The following TMPRSS11E variants were observed in gnomAD, a reference collection of about 807,000 sequenced individuals.
TMPRSS11E encodes the protein transmembrane serine protease 11E.
A neutral mutation model predicts 48.1 loss-of-function variants in TMPRSS11E; 38 were observed. The observed-to-expected ratio is 0.79, with a 90% CI of 0.61 to 1.04. TMPRSS11E has a LOEUF of 1.04. Among genes scored for constraint, TMPRSS11E ranks in the 50% least tolerant of loss-of-function variants. The pLI is 0.00. For missense variants in TMPRSS11E, 530 were observed against 510.8 expected (o/e 1.04, Z -0.36); for synonymous variants, 158 against 171.9 (o/e 0.92, Z 0.63).
chr4:68,482,302 GT>G, intron 9 of TMPRSS11E, among the ~76,000 whole-genome samples: 1 of 152,192 alleles, frequency 6.6e-6, no homozygotes, highest in East Asian at 1.9e-4. Flanking sequence ...AGCATTGGGG[GT>G]GACAAAGCAA....
chr4:68,482,812 G>A (rs958017151), intron 9 of TMPRSS11E, among the ~76,000 whole-genome samples: 1 of 151,824 alleles, frequency 6.6e-6, no homozygotes, highest in Non-Finnish European at 1.5e-5. Flanking sequence ...TCTCATCTGA[G>A]ATAAAGCAAT....
At chr4:68,470,986 A>C (rs150262438) in intron 4 of TMPRSS11E, among the ~76,000 whole-genome samples, 1 of 151,966 alleles carries the variant, frequency 6.6e-6, no homozygotes, top group African/African-American at 2.4e-5. Context: ...TGTATTTGAT[A>C]ATTTTGAATG....
intron 1 of TMPRSS11E, among the ~76,000 whole-genome samples, chr4:68,454,495 A>G (rs908086120): frequency 6.6e-6 from 1 of 151,988 alleles, no homozygotes; most frequent in Non-Finnish European, 1.5e-5. Context: ...TTTATGTACC[A>G]TCCAAAAATT....
chr4:68,488,837 A>G (rs1729637498), intron 9 of TMPRSS11E, among the ~76,000 whole-genome samples: 1 of 152,012 alleles, frequency 6.6e-6, no homozygotes, highest in African/African-American at 2.4e-5. Flanking sequence ...ACCGCGCCCG[A>G]CCCTGATTCT....
rs370121947 is a variant in TMPRSS11E, at chr4:68,453,717, C to T, written c.11+6194C>T. ...ATTATAATAGTATCGGATTTAGCTA[C>T]GAGTGACAGGAAACCCAGAGTAACA... On this transcript the variant is annotated intron_variant, in intron 1 of 9. Coordinates refer to ENST00000305363, the MANE Select transcript of TMPRSS11E (RefSeq NM_014058.4). Among the ~76,000 whole-genome samples the T allele has an allele frequency of 2.9e-4, 44 of 151,932 alleles. No homozygotes were observed. The South Asian group carries it at 6.0e-3, about 21-fold the overall frequency.
chr4:68,469,400 A>T (rs1578137433), intron 4 of TMPRSS11E, among the ~76,000 whole-genome samples: 1 of 151,922 alleles, frequency 6.6e-6, no homozygotes, highest in Non-Finnish European at 1.5e-5. Context: ...CTGTCAACTA[A>T]CCATTGATAA....
intron 9 of TMPRSS11E, among the ~76,000 whole-genome samples, chr4:68,487,941 C>CA (rs56299530): frequency 0.2 from 18,152 of 89,572 alleles, 2,566 homozygotes; most frequent in East Asian, 0.68. Flanking sequence ...GACTCTGTCT[C>CA]AAAAAAAAAA....
chr4:68,467,235 A>C (rs1307020510), intron 3 of TMPRSS11E, among the ~76,000 whole-genome samples: 1 of 152,128 alleles, frequency 6.6e-6, no homozygotes, highest in Non-Finnish European at 1.5e-5. Context: ...AACTCTACCC[A>C]GTTTTTAAAA....
chr4:68,447,466 T>C lies in TMPRSS11E; in HGVS notation c.-47T>C. 6.3e-7 allele frequency: 1 copy of C among 1,599,832 alleles called. No individual in the cohort carries two copies. The highest frequency in any genetic ancestry group is 8.5e-7 in the Non-Finnish European group (1 of 1,172,006). ...ATTGATAGAGCTGGATTCACACACTTGGATGTAGACCTCGACCTTCACAGG... is the reference window on the plus strand; with the variant it reads ...ATTGATAGAGCTGGATTCACACACTCGGATGTAGACCTCGACCTTCACAGG... On this transcript the variant is annotated 5_prime_UTR_variant, in exon 1 of 10. Coordinates refer to ENST00000305363, the MANE Select transcript of TMPRSS11E (RefSeq NM_014058.4).
intron 9 of TMPRSS11E, among the ~76,000 whole-genome samples, chr4:68,479,397 G>T (rs1018739971): frequency 2.3e-4 from 35 of 151,546 alleles, no homozygotes; most frequent in African/African-American, 7.5e-4. Flanking sequence ...TTTTTAAACA[G>T]AATTTAATTT....
intron 9 of TMPRSS11E, among the ~76,000 whole-genome samples, chr4:68,495,668 T>A (rs1375754731): frequency 1.3e-5 from 2 of 152,148 alleles, no homozygotes; most frequent in African/African-American, 4.8e-5. Context: ...GAAGTTAGCA[T>A]AACGTAGGGA....
chr4:68,453,999 G>A (rs1317937605), intron 1 of TMPRSS11E, among the ~76,000 whole-genome samples: 1 of 151,946 alleles, frequency 6.6e-6, no homozygotes, highest in Non-Finnish European at 1.5e-5. Flanking sequence ...CCATTGGAAA[G>A]AAAGTATTCA....
chr4:68,469,067 C>A, intron 4 of TMPRSS11E, 121 bp downstream of exon 4: 2 of 829,760 alleles, frequency 2.4e-6, no homozygotes, highest in South Asian at 1.6e-5. Flanking sequence ...TGACACTTGT[C>A]CTGTGTAAGT....
At position 68,456,443 on chromosome 4, in the gene TMPRSS11E, C is replaced by T. The variant is rs369977857; in HGVS notation, c.12-5378C>T. Among the ~76,000 whole-genome samples, 33 of 151,834 alleles carry T rather than the reference C, an allele frequency of 2.2e-4. 1 individual carries two copies. In the South Asian group the frequency reaches 4.4e-3, roughly 20 times the overall value. ...TTGTAATTTTATGTGGAGTAATTTG[C>T]TTGTATTTCTTCTTTTTTTAAAAAA... is the stretch of plus-strand genomic sequence containing the variant. On this transcript the variant is annotated intron_variant, in intron 1 of 9. Transcript: ENST00000305363.
In TMPRSS11E at chr4:68,468,917, A is replaced by AT; in HGVS notation, c.300dup (p.Val101CysfsTer24). On this transcript the variant is annotated frameshift_variant, in exon 4 of 10. Coordinates refer to ENST00000305363, the MANE Select transcript of TMPRSS11E (RefSeq NM_014058.4). LOFTEE classifies it high-confidence loss of function. ...TTTATAAATCTCCATTAAGGGAAGA[A>AT]TTTGTCAAGTCTCAGGTTATCAAGT... 6.2e-7 allele frequency: 1 copy of AT among 1,611,736 alleles called. No individual in the cohort carries two copies.
chr4:68,469,134 A>G (rs1262688644), intron 4 of TMPRSS11E, among the ~76,000 whole-genome samples, 188 bp downstream of exon 4: 2 of 152,084 alleles, frequency 1.3e-5, no homozygotes, highest in African/African-American at 2.4e-5. Flanking sequence ...CATTTGCAAG[A>G]TGGTTGCTGG....
chr4:68,494,258 T>C (rs1408269887), intron 9 of TMPRSS11E, among the ~76,000 whole-genome samples: 1 of 152,176 alleles, frequency 6.6e-6, no homozygotes, highest in African/African-American at 2.4e-5. Flanking sequence ...TTTCTATTTA[T>C]ATATTTTAAG....
intron 9 of TMPRSS11E, among the ~76,000 whole-genome samples, chr4:68,482,857 G>T (rs778973322): frequency 1.3e-5 from 2 of 151,852 alleles, no homozygotes; most frequent in Non-Finnish European, 2.9e-5. Flanking sequence ...TTTCACTGTC[G>T]ATGTAACTAT....
At chr4:68,492,068 CTG>C (rs1729740049) in intron 9 of TMPRSS11E, among the ~76,000 whole-genome samples, 1 of 152,124 alleles carries the variant, frequency 6.6e-6, no homozygotes, top group African/African-American at 2.4e-5. Flanking sequence ...GTTTCTTTTT[CTG>C]TGTTTCCTAA....
Sources: gnomAD v4.1 joint callset for allele counts (sites outside exome capture counted in the v4.1 genomes callset) on GRCh38, gnomAD v4.1.1 for gene constraint, MANE v1.5 for transcripts, NCBI Gene and HGNC (gene_info 2026-07-23, HGNC 2026-07-21) for gene names.